SORCS3: variants seen among roughly 807,000 people sequenced by gnomAD.
SORCS3 encodes the protein sortilin related VPS10 domain containing receptor 3, also known as VPS10 domain-containing receptor SorCS3.
In SORCS3, 57 loss-of-function variants were observed where a neutral mutation model predicts 146.3. The observed-to-expected ratio is 0.39, with a 90% CI of 0.31 to 0.49. The LOEUF (loss-of-function observed/expected upper bound fraction) is 0.49, where lower values mean the gene tolerates loss of function less well. Ranked by LOEUF, SORCS3 falls within the 20% of genes least tolerant of loss-of-function variation. The pLI is 0.92. For missense variants in SORCS3, 1,341 were observed against 1,575.5 expected (o/e 0.85, Z 2.52); for synonymous variants, 653 against 618.5 (o/e 1.06, Z -0.83).
chr10:104,661,465 T>C (rs553895678), intron 1 of SORCS3, among the ~76,000 whole-genome samples: 181 of 152,290 alleles, frequency 1.2e-3, no homozygotes, highest in Non-Finnish European at 2.1e-3. Flanking sequence ...TTGACCATCA[T>C]GGGCATCCTA....
chr10:105,220,605 G>A (rs551022300), intron 19 of SORCS3, among the ~76,000 whole-genome samples: 3 of 152,232 alleles, frequency 2.0e-5, no homozygotes, highest in Admixed American at 2.0e-4. Flanking sequence ...TGACTTTGAA[G>A]GTAAAAGGGT....
At chr10:104,681,873 C>A (rs1049129002) in intron 1 of SORCS3, among the ~76,000 whole-genome samples, 19 of 152,334 alleles carry the variant, frequency 1.2e-4, no homozygotes, top group East Asian at 3.9e-4. Flanking sequence ...CAGTCCTGTC[C>A]TGGCCACCCA....
Position 104,641,933 on chromosome 10 carries a change from C to G in SORCS3, c.606C>G (p.His202Gln), listed in dbSNP as rs756963347. 7 of 1,402,228 alleles carry G rather than the reference C, an allele frequency of 5.0e-6. No individual in the cohort carries two copies. In the East Asian group the frequency reaches 2.2e-4, roughly 44 times the overall value. The allele number at this position is 1,402,228 out of a possible 1,614,324, so 86.9% of individuals were successfully genotyped here. ...CGGCCCACAACCAAGCCATGGTGCACTGGTCGGGACACAACAGCAGCGTGA... is the reference window on the plus strand; with the variant it reads ...CGGCCCACAACCAAGCCATGGTGCAGTGGTCGGGACACAACAGCAGCGTGA... ...GDSAHNQAMV[H>Q]WSGHNSSVIL... Residue 202 changes from histidine (H) to glutamine (Q), a missense_variant, in exon 1 of 27, where the codon CAC becomes CAG. By Grantham distance (24) the His-to-Gln change is conservative (BLOSUM62 0). Coordinates refer to ENST00000369701, the MANE Select transcript of SORCS3 (RefSeq NM_014978.3). This position sits in a 1 kb window ranked among gnomAD's most constrained non-coding sequence, Gnocchi z 6.4.
intron 1 of SORCS3, among the ~76,000 whole-genome samples, chr10:104,712,414 T>A (rs2133439491): frequency 6.6e-6 from 1 of 152,364 alleles, no homozygotes; most frequent in Non-Finnish European, 1.5e-5. Flanking sequence ...AAGACAAGCT[T>A]GAGTGAAATC....
intron 3 of SORCS3, among the ~76,000 whole-genome samples, chr10:104,967,792 G>T (rs1005951343): frequency 6.6e-6 from 1 of 151,812 alleles, no homozygotes; most frequent in Admixed American, 6.6e-5. Context: ...CTGAGTAGCT[G>T]GGGCCATAAG....
At chr10:105,224,980 T>A (rs569995979) in intron 20 of SORCS3, among the ~76,000 whole-genome samples, 71 of 152,304 alleles carry the variant, frequency 4.7e-4, no homozygotes, top group African/African-American at 1.7e-3. Flanking sequence ...TATTATTGGA[T>A]AATCTTTTAT....
intron 1 of SORCS3, among the ~76,000 whole-genome samples, chr10:104,666,994 GGAGA>G (rs138623796): frequency 2.0e-5 from 3 of 150,692 alleles, no homozygotes; most frequent in South Asian, 4.2e-4. Flanking sequence ...CTTAGTGTTG[GGAGA>G]GAGAGAGAGA....
chr10:104,853,977 GTGC>G (rs1262359944), intron 2 of SORCS3, among the ~76,000 whole-genome samples: 2 of 152,130 alleles, frequency 1.3e-5, no homozygotes, highest in African/African-American at 4.8e-5. Flanking sequence ...CCCGAGATTC[GTGC>G]TGTCAGTGGG....
chr10:104,951,151 A>G (rs189558275), intron 3 of SORCS3, among the ~76,000 whole-genome samples: 171 of 152,140 alleles, frequency 1.1e-3, no homozygotes, highest in Non-Finnish European at 2.2e-3. Flanking sequence ...TCTATCTTAT[A>G]TGTTCCCTAT....
intron 1 of SORCS3, among the ~76,000 whole-genome samples, chr10:104,704,127 T>G (rs1326672345): frequency 1.3e-5 from 2 of 151,930 alleles, no homozygotes; most frequent in Non-Finnish European, 2.9e-5. Flanking sequence ...TTGGATTTGT[T>G]GTCAGCCAGA....
intron 1 of SORCS3, among the ~76,000 whole-genome samples, chr10:104,707,761 C>T (rs2016354834): frequency 6.6e-6 from 1 of 152,188 alleles, no homozygotes; most frequent in African/African-American, 2.4e-5. Context: ...ATGTATCTGC[C>T]TCCTGCCTAT....
chr10:104,806,580 T>C (rs1327593579), intron 1 of SORCS3, among the ~76,000 whole-genome samples: 1 of 152,214 alleles, frequency 6.6e-6, no homozygotes, highest in East Asian at 1.9e-4. Flanking sequence ...GAAAATATGC[T>C]AAATGCATAA....
chr10:104,735,702 A>G (rs1057207308), intron 1 of SORCS3, among the ~76,000 whole-genome samples: 1 of 151,990 alleles, frequency 6.6e-6, no homozygotes, highest in Non-Finnish European at 1.5e-5. Flanking sequence ...CTGAGATGAA[A>G]AGGCAGCAAT....
At chr10:104,643,467 C>T (rs1349802062) in intron 1 of SORCS3, among the ~76,000 whole-genome samples, 2 of 152,202 alleles carry the variant, frequency 1.3e-5, no homozygotes, top group South Asian at 2.1e-4. Flanking sequence ...AGTCCAGCTT[C>T]GCAGCAGCGC....
chr10:105,061,458 C>G (rs1238199387), intron 5 of SORCS3, among the ~76,000 whole-genome samples: 2 of 151,828 alleles, frequency 1.3e-5, no homozygotes, highest in African/African-American at 4.8e-5. Context: ...CCACACCTGG[C>G]TAATTTTTTG....
intron 8 of SORCS3, among the ~76,000 whole-genome samples, chr10:105,144,245 T>C (rs2056115043): frequency 1.3e-5 from 2 of 152,160 alleles, no homozygotes; most frequent in African/African-American, 4.8e-5. Context: ...TTGTCACCTC[T>C]AAGCATTTGT....
At chr10:104,970,164 A>G (rs558064326) in intron 3 of SORCS3, among the ~76,000 whole-genome samples, 1 of 152,062 alleles carries the variant, frequency 6.6e-6, no homozygotes, top group Admixed American at 6.5e-5. Flanking sequence ...TTGTTTTGAG[A>G]CAGAGTCTCA....
At chr10:104,808,944 T>G (rs1201702143) in intron 1 of SORCS3, among the ~76,000 whole-genome samples, 1 of 152,138 alleles carries the variant, frequency 6.6e-6, no homozygotes, top group East Asian at 1.9e-4. Context: ...TGAGAAATAT[T>G]TCGACGGCAA....
At chr10:104,915,304 T>TC (rs58525796) in intron 2 of SORCS3, among the ~76,000 whole-genome samples, 15,359 of 152,116 alleles carry the variant, frequency 0.1, 862 homozygotes, top group South Asian at 0.25. Context: ...GTGGTCTCAT[T>TC]TAGCCATTGG....
Sources: gnomAD v4.1 joint callset for allele counts (sites outside exome capture counted in the v4.1 genomes callset) on GRCh38, gnomAD v4.1.1 for gene constraint, Gnocchi (gnomAD v3.1) non-coding constraint, MANE v1.5 for transcripts, NCBI Gene and HGNC (gene_info 2026-07-23, HGNC 2026-07-21) for gene names.